The following GABRA4 variants were observed in gnomAD, a reference collection of about 807,000 sequenced individuals.
GABRA4 encodes gamma-aminobutyric acid receptor subunit alpha-4.
Under a neutral mutation model 49.7 loss-of-function variants are expected in GABRA4, and 12 were observed. The observed-to-expected ratio is 0.24, with a 90% CI of 0.15 to 0.39. The LOEUF is 0.39. GABRA4 is among the 10% of genes least tolerant of loss of function. The probability of loss-of-function intolerance (pLI) is 1.00; values close to 1 mark genes in which losing one functional copy is unlikely to be tolerated. For synonymous variants in GABRA4, 288 were observed against 240.2 expected, an observed-to-expected ratio of 1.20 and a Z score of -1.84; for missense variants, 506 against 686.0, an observed-to-expected ratio of 0.74 and a Z score of 2.93.
At position 46,937,071 on chromosome 4, in the gene GABRA4, G is replaced by C. The variant is rs530300464; in HGVS notation, c.1135-8316C>G. Among the ~76,000 whole-genome samples, 183 of 152,276 alleles carry C rather than the reference G, an allele frequency of 1.2e-3. No individual in the cohort carries two copies. The Middle Eastern group carries it at 0.014, about 11-fold the overall frequency. On this transcript the variant is annotated intron_variant, in intron 8 of 8. Transcript: ENST00000264318. ...TTGGAGACAAGACCTTTAAGGAGGT[G>C]GTTAAGGTTCAGTGAAGTCACAAAG...
intron 8 of GABRA4, among the ~76,000 whole-genome samples, chr4:46,958,613 C>A (rs1304736313): frequency 1.3e-5 from 2 of 151,886 alleles, no homozygotes; most frequent in Non-Finnish European, 1.5e-5. Flanking sequence ...AATGCAGCAT[C>A]AAGGTAATAA....
At chr4:46,980,233 T>C (rs955571640) in intron 2 of GABRA4, among the ~76,000 whole-genome samples, 4 of 152,108 alleles carry the variant, frequency 2.6e-5, no homozygotes, top group Admixed American at 6.6e-5. Flanking sequence ...TTGTTGCCCT[T>C]GAACATAACT....
chr4:46,925,977 G>A lies in GABRA4; in HGVS notation c.*2248C>T, dbSNP rs967350229. 2.6e-5 allele frequency: 4 copies of A among 151,192 alleles called. No homozygotes were observed. The highest frequency in any genetic ancestry group is 5.9e-5 in the Non-Finnish European group (4 of 67,666). 9.4% of individuals were successfully genotyped at this position (151,192 alleles called of 1,614,324 possible). A position where few individuals can be genotyped will look rare whatever the true frequency, so the allele number is the denominator to read the frequency against. ...CTCTTTACACTCTGTAAGATTTGTA[G>A]AAGAACACTTTTTTTTAAAGGAAGC... On this transcript the variant is annotated 3_prime_UTR_variant, in exon 9 of 9. Transcript: ENST00000264318.
chr4:46,971,311 G>T, intron 6 of GABRA4, 76 bp from the exon 7 acceptor site: 2 of 1,325,946 alleles, frequency 1.5e-6, no homozygotes, highest in South Asian at 2.5e-5. Flanking sequence ...ACATATTTCA[G>T]ACTAACAAAC....
chr4:46,951,056 T>A, intron 8 of GABRA4, among the ~76,000 whole-genome samples: 1 of 151,838 alleles, frequency 6.6e-6, no homozygotes, highest in East Asian at 1.9e-4. Flanking sequence ...ATAATAAAAC[T>A]AAGGCTCAGA....
chr4:46,928,739 A>G lies in GABRA4; in HGVS notation c.1151T>C (p.Leu384Ser), dbSNP rs767149187. 1 of 1,609,714 alleles carries G rather than the reference A, an allele frequency of 6.2e-7. No individual in the cohort carries two copies. Among genetic ancestry groups the G allele is most frequent in the Non-Finnish European group, 8.5e-7 (1 of 1,177,014 alleles). ...EAPLQNTNAN[L>S]NMRKRTNALV... is the part of the protein sequence containing the mutation. ...AGCATTTGTTCTTTTTCTCATGTTC[A>G]AATTGGCATTTGTATTCTGAAAAGG... The change falls in exon 9 of 9, where the codon TTG becomes TCG. Residue 384 changes from leucine (L) to serine (S), a missense_variant. By Grantham distance (145) the Leu-to-Ser change is moderately radical. This residue lies in a region of GABRA4 where 243 missense variants were observed against 210.8 expected (regional missense o/e 1.15). Transcript: ENST00000264318.
chr4:46,991,679 G>A (rs1414518708), intron 2 of GABRA4, among the ~76,000 whole-genome samples: 1 of 144,888 alleles, frequency 6.9e-6, no homozygotes, highest in East Asian at 2.1e-4. Flanking sequence ...GCCTGCTCTG[G>A]GTTTACATCC....
At chr4:46,933,819 T>C (rs1721521723) in intron 8 of GABRA4, among the ~76,000 whole-genome samples, 1 of 152,170 alleles carries the variant, frequency 6.6e-6, no homozygotes, top group African/African-American at 2.4e-5. Flanking sequence ...CATTTGAATT[T>C]TAAAAAATGA....
At chr4:46,968,689 T>C (rs2109381248) in intron 7 of GABRA4, among the ~76,000 whole-genome samples, 1 of 151,796 alleles carries the variant, frequency 6.6e-6, no homozygotes, top group South Asian at 2.1e-4. Flanking sequence ...TACTTCCTGC[T>C]ACTTCGTTTT....
chr4:46,951,915 A>G (rs1038048617), intron 8 of GABRA4, among the ~76,000 whole-genome samples: 8 of 151,932 alleles, frequency 5.3e-5, no homozygotes, highest in Non-Finnish European at 1.2e-4. Flanking sequence ...TGCCCACATG[A>G]CTACTGCTTC....
intron 7 of GABRA4, among the ~76,000 whole-genome samples, chr4:46,968,220 A>T (rs1184337868): frequency 6.6e-6 from 1 of 151,578 alleles, no homozygotes; most frequent in Non-Finnish European, 1.5e-5. Context: ...TAACTTTTCT[A>T]AGAAAGTACC....
At position 46,925,757 on chromosome 4, in the gene GABRA4, T is replaced by TC. The variant is rs1721204585; in HGVS notation, c.*2467_*2468insG. The TC allele has an allele frequency of 1.3e-5, 1 of 78,866 alleles. No homozygotes were observed. The highest frequency in any genetic ancestry group is 2.8e-5 in the Non-Finnish European group (1 of 35,584). The allele number at this position is 78,866 out of a possible 1,614,324, so 4.9% of individuals were successfully genotyped here. The stretch of plus-strand genomic sequence containing the variant: ...TTATTATTATTATTATTATTATTAT[T>TC]ATCATCATTATTATCATTGTGTGCA... On this transcript the variant is annotated 3_prime_UTR_variant, in exon 9 of 9. Transcript: ENST00000264318.
intron 2 of GABRA4, among the ~76,000 whole-genome samples, chr4:46,982,259 A>G (rs886940316): frequency 1.3e-5 from 2 of 152,134 alleles, no homozygotes; most frequent in Admixed American, 6.6e-5. Context: ...TTGGTACTTC[A>G]GAATGTGACC....
chr4:46,928,824 ATC>A, intron 8 of GABRA4, 69 bp from the exon 9 acceptor site: 1 of 1,030,204 alleles, frequency 9.7e-7, no homozygotes, highest in South Asian at 1.7e-5. Context: ...ATTTAAAGGG[ATC>A]AAAATTCTTA....
At chr4:46,987,587 T>C (rs1230164282) in intron 2 of GABRA4, among the ~76,000 whole-genome samples, 1 of 152,034 alleles carries the variant, frequency 6.6e-6, no homozygotes, top group African/African-American at 2.4e-5. Context: ...TTTTTACTTC[T>C]CTCTCTTTTT....
At position 46,923,938 on chromosome 4, in the gene GABRA4, C is replaced by T. The variant is rs773004155; in HGVS notation, c.*4287G>A. ...TGTAGTAAGAGTTCCCCTTGACTTT[C>T]CACATCCTCATCTCTTCTCCTGCCT... On this transcript the variant is annotated 3_prime_UTR_variant, in exon 9 of 9. Transcript: ENST00000264318. 5 of 152,064 alleles carry T rather than the reference C, an allele frequency of 3.3e-5. No homozygotes were observed. Among genetic ancestry groups the T allele is most frequent in the Non-Finnish European group, 7.4e-5 (5 of 67,986 alleles). The allele number at this position is 152,064 out of a possible 1,614,324, so 9.4% of individuals were successfully genotyped here.
intron 8 of GABRA4, among the ~76,000 whole-genome samples, chr4:46,959,040 A>C (rs893226101): frequency 1.3e-5 from 2 of 151,958 alleles, no homozygotes; most frequent in African/African-American, 4.8e-5. Flanking sequence ...GAAATTCAAA[A>C]CTTATAATTC....
At chr4:46,948,620 C>G (rs80254147) in intron 8 of GABRA4, among the ~76,000 whole-genome samples, 4,487 of 152,142 alleles carry the variant, frequency 0.029, 79 homozygotes, top group Middle Eastern at 0.12. Flanking sequence ...TTCGGTCTAT[C>G]AAGCAGATTA....
In GABRA4 at chr4:46,926,212, A is replaced by G. The variant is rs563641311; in HGVS notation, c.*2013T>C. The G allele has an allele frequency of 6.6e-6, 1 of 152,000 alleles. No homozygotes were observed. Among genetic ancestry groups the G allele is most frequent in the South Asian group, 2.1e-4 (1 of 4,818 alleles). 9.4% of individuals were successfully genotyped at this position (152,000 alleles called of 1,614,324 possible). A position where few individuals can be genotyped will look rare whatever the true frequency, so the allele number is the denominator to read the frequency against. On this transcript the variant is annotated 3_prime_UTR_variant, in exon 9 of 9. Coordinates refer to ENST00000264318, the MANE Select transcript of GABRA4 (RefSeq NM_000809.4). ...GCGAATGAATTGTGCTTCCAACCAT[A>G]TTTCCAAACATCGTCCTCAAGGCCA...
Sources: allele counts gnomAD v4.1 joint callset (sites outside exome capture counted in the v4.1 genomes callset), GRCh38; gene constraint gnomAD v4.1.1; regional missense constraint gnomAD v4.1.1; transcripts MANE v1.5; gene names NCBI Gene and HGNC (gene_info 2026-07-23, HGNC 2026-07-21).